The following TNFAIP8 variants were observed in gnomAD, a reference collection of about 807,000 sequenced individuals.
TNFAIP8 encodes tumor necrosis factor alpha-induced protein 8.
In TNFAIP8, 7 loss-of-function variants were observed where a neutral mutation model predicts 13.3. The observed-to-expected ratio is 0.52, with a 90% CI of 0.30 to 0.99. The LOEUF (loss-of-function observed/expected upper bound fraction) is 0.99, where lower values mean the gene tolerates loss of function less well. Ranked by LOEUF, TNFAIP8 falls within the 50% of genes least tolerant of loss-of-function variation. The pLI is 0.07. For synonymous variants in TNFAIP8, 94 were observed against 87.6 expected (o/e 1.07, Z -0.41); for missense variants, 258 against 236.9 (o/e 1.09, Z -0.58).
At chr5:119,358,970 C>T (rs1041621180) in intron 1 of TNFAIP8, among the ~76,000 whole-genome samples, 5 of 152,158 alleles carry the variant, frequency 3.3e-5, no homozygotes, top group Admixed American at 2.0e-4. Context: ...TTTCCCACCA[C>T]CACCTCACCC....
Position 119,378,242 on chromosome 5 carries a change from AG to A in TNFAIP8, c.32-14570del, listed in dbSNP as rs976151502. Among the ~76,000 whole-genome samples, 6 of 152,346 alleles carry A rather than the reference AG, an allele frequency of 3.9e-5. No homozygotes were observed. In the East Asian group the frequency reaches 1.2e-3, roughly 29 times the overall value. ...GGCATGCGGAGAGGAAAGGTTAGAA[AG>A]GGGTAACAACCACTTCACAGAGAAT... is the stretch of plus-strand genomic sequence containing the variant. On this transcript the variant is annotated intron_variant, in intron 1 of 1. Transcript: ENST00000504771.
intron 1 of TNFAIP8, among the ~76,000 whole-genome samples, chr5:119,280,469 C>T (rs891042496): frequency 5.3e-5 from 8 of 151,878 alleles, no homozygotes; most frequent in African/African-American, 1.5e-4. Context: ...GTGTTGATAA[C>T]AAGAAAGATT....
At position 119,393,500 on chromosome 5, in the gene TNFAIP8, A is replaced by C. The variant is rs1405042187; in HGVS notation, c.*119A>C. The C allele has an allele frequency of 3.0e-6, 3 of 1,000,936 alleles. No individual in the cohort carries two copies. The highest frequency in any genetic ancestry group is 1.6e-5 in the African/African-American group (1 of 61,826). The allele number at this position is 1,000,936 out of a possible 1,614,324, so 62.0% of individuals were successfully genotyped here. A position where few individuals can be genotyped will look rare whatever the true frequency, so the allele number is the denominator to read the frequency against. On this transcript the variant is annotated 3_prime_UTR_variant, in exon 2 of 2. Coordinates refer to ENST00000504771, the MANE Select transcript of TNFAIP8 (RefSeq NM_014350.4). ...CACATATTTCAGAAAGACTTTACCC[A>C]ATTCAGTTGTCAGACATAATGATTT...
intron 1 of TNFAIP8, among the ~76,000 whole-genome samples, chr5:119,366,079 G>C (rs1184500470): frequency 6.6e-6 from 1 of 151,594 alleles, no homozygotes; most frequent in Non-Finnish European, 1.5e-5. Context: ...GGCCTGATGA[G>C]AGCCTCCGAG....
intron 1 of TNFAIP8, among the ~76,000 whole-genome samples, chr5:119,361,642 T>A (rs1751641274): frequency 6.6e-6 from 1 of 152,214 alleles, no homozygotes; most frequent in African/African-American, 2.4e-5. Context: ...CCAGACCACA[T>A]TTGTTGAAGT....
intron 1 of TNFAIP8, 71 bp downstream of exon 1, chr5:119,356,192 G>A: frequency 1.4e-6 from 2 of 1,405,616 alleles, no homozygotes; most frequent in African/African-American, 1.5e-5. Flanking sequence ...AGTGGTAGAA[G>A]AGGATGGGAG....
At chr5:119,289,859 A>G (rs540321198) in intron 1 of TNFAIP8, among the ~76,000 whole-genome samples, 9 of 152,372 alleles carry the variant, frequency 5.9e-5, no homozygotes, top group Non-Finnish European at 1.0e-4. Context: ...ATCAGAATTC[A>G]GGCTGCCAGC....
chr5:119,308,138 A>G (rs745836785), intron 1 of TNFAIP8, among the ~76,000 whole-genome samples: 2 of 152,188 alleles, frequency 1.3e-5, no homozygotes, highest in Admixed American at 6.5e-5. Flanking sequence ...CTGATAATTG[A>G]TATTAAAATA....
Position 119,304,084 on chromosome 5 carries a change from T to C in TNFAIP8, c.1+35177T>C, listed in dbSNP as rs557248738. Among the ~76,000 whole-genome samples the C allele has an allele frequency of 4.6e-5, 7 of 152,300 alleles. No individual in the cohort carries two copies. The South Asian group carries it at 1.4e-3, about 32-fold the overall frequency. The stretch of plus-strand genomic sequence containing the variant: ...TCATTCCCCAGCTTGAAATTCTTTC[T>C]GATTTTCTTTTTTCCTTTTTTTCAA... On this transcript the variant is annotated intron_variant, in intron 1 of 1. Coordinates refer to the TNFAIP8 transcript ENST00000274456.
At chr5:119,374,033 A>AG (rs1752187780) in intron 1 of TNFAIP8, among the ~76,000 whole-genome samples, 1 of 152,128 alleles carries the variant, frequency 6.6e-6, no homozygotes, top group African/African-American at 2.4e-5. Flanking sequence ...TGATATATTT[A>AG]GGGGAGTATC....
intron 1 of TNFAIP8, among the ~76,000 whole-genome samples, chr5:119,289,332 T>G (rs1160833264): frequency 1.3e-5 from 2 of 152,150 alleles, no homozygotes; most frequent in African/African-American, 4.8e-5. Context: ...ATTTATGACT[T>G]AAAGAGAGGC....
intron 1 of TNFAIP8, 101 bp from the exon 2 acceptor site, chr5:119,392,715 A>T: frequency 7.6e-7 from 1 of 1,314,066 alleles, no homozygotes; most frequent in Non-Finnish European, 1.0e-6. Context: ...AATGGTGGGA[A>T]AATGAGGAAA....
intron 1 of TNFAIP8, among the ~76,000 whole-genome samples, chr5:119,284,944 AAAT>A (rs1748733351): frequency 6.6e-6 from 1 of 152,230 alleles, no homozygotes; most frequent in Admixed American, 6.5e-5. Context: ...AAAGAAGTTA[AAAT>A]TATCTAAAAA....
chr5:119,392,804 T>TTA lies in TNFAIP8; in HGVS notation c.32-11_32-10insAT. 4 of 1,497,216 alleles carry TTA rather than the reference T, an allele frequency of 2.7e-6. No homozygotes were observed. The highest frequency in any genetic ancestry group is 3.6e-6 in the Non-Finnish European group (4 of 1,123,094). The allele number at this position is 1,497,216 out of a possible 1,614,324, so 92.7% of individuals were successfully genotyped here. A position where few individuals can be genotyped will look rare whatever the true frequency, so the allele number is the denominator to read the frequency against. On this transcript the variant is annotated splice_polypyrimidine_tract_variant and intron_variant, in intron 1 of 1. Transcript: ENST00000504771. ...AATTGTTAATTCTTTTCCTCTCTTT[T>TTA]TTTTTTTTTAGTGGCCACAGATGTC...
chr5:119,323,107 C>G (rs1322192662), intron 1 of TNFAIP8, among the ~76,000 whole-genome samples: 1 of 152,146 alleles, frequency 6.6e-6, no homozygotes, highest in African/African-American at 2.4e-5. Context: ...TGCACTGCCA[C>G]CAACTAAGAC....
chr5:119,314,438 A>C (rs141688752), intron 1 of TNFAIP8, among the ~76,000 whole-genome samples: 178 of 152,314 alleles, frequency 1.2e-3, no homozygotes, highest in Non-Finnish European at 2.0e-3. Flanking sequence ...CACACACACA[A>C]AAACAGACAG....
intron 1 of TNFAIP8, among the ~76,000 whole-genome samples, chr5:119,377,162 G>A (rs968769019): frequency 2.0e-4 from 30 of 152,124 alleles, no homozygotes; most frequent in Non-Finnish European, 5.9e-5. Flanking sequence ...AGCACTTTGG[G>A]AGGCCAAGAC....
intron 1 of TNFAIP8, among the ~76,000 whole-genome samples, chr5:119,307,177 G>T (rs930123523): frequency 6.6e-6 from 1 of 151,944 alleles, no homozygotes; most frequent in African/African-American, 2.4e-5. Flanking sequence ...TTTTTCTTTC[G>T]TAGTATTCCA....
chr5:119,300,432 C>T (rs911624366), intron 1 of TNFAIP8, among the ~76,000 whole-genome samples: 2 of 152,070 alleles, frequency 1.3e-5, no homozygotes, highest in South Asian at 2.1e-4. Context: ...AAAAGTAGAC[C>T]ATCTAAAACA....
Sources: gnomAD v4.1 joint callset for allele counts (sites outside exome capture counted in the v4.1 genomes callset) on GRCh38, gnomAD v4.1.1 for gene constraint, MANE v1.5 for transcripts, NCBI Gene and HGNC (gene_info 2026-07-23, HGNC 2026-07-21) for gene names.